Variants in CDKL5 observed in about 807,000 individuals in gnomAD.
CDKL5 encodes the protein cyclin-dependent kinase-like 5.
Under a neutral mutation model 61.7 loss-of-function variants are expected in CDKL5, and 8 were observed. The ratio of observed to expected loss-of-function variants is 0.13; its 90% CI spans 0.08 to 0.23. CDKL5 has a LOEUF of 0.23. Among genes scored for constraint, CDKL5 ranks in the 10% least tolerant of loss-of-function variants. The probability of loss-of-function intolerance (pLI) is 1.00; values close to 1 mark genes in which losing one functional copy is unlikely to be tolerated. For missense variants in CDKL5, 440 were observed against 734.5 expected (o/e 0.60, Z 4.63); for synonymous variants, 275 against 272.3 (o/e 1.01, Z -0.10).
chrX:18,616,257 A>G (rs939434906), intron 15 of CDKL5, among the ~76,000 whole-genome samples: 2 of 112,252 alleles, frequency 1.8e-5, no homozygotes, highest in African/African-American at 6.5e-5. Context: ...GACAAAATGT[A>G]TAAATATGTT....
chrX:18,462,499 T>G lies in CDKL5; in HGVS notation c.-163+36804T>G, dbSNP rs143728702. Among the ~76,000 whole-genome samples the G allele has an allele frequency of 4.5e-3, 499 of 111,469 alleles. 4 individuals carry two copies. The highest frequency in any genetic ancestry group is 0.015 in the African/African-American group (452 of 30,666). On this transcript the variant is annotated intron_variant, in intron 1 of 17. Coordinates refer to ENST00000623535, the MANE Select transcript of CDKL5 (RefSeq NM_001323289.2). ...CTAGGTGATTGTGATGTGTTAAAGT[T>G]TGAAAACCATTGGTCTAGACTTAAT...
In CDKL5 at chrX:18,633,586, CGAT is replaced by C; in HGVS notation, c.*4832_*4834del. 1.3e-6 allele frequency: 1 copy of C among 753,501 alleles called. No individual in the cohort carries two copies. Among genetic ancestry groups the C allele is most frequent in the Admixed American group, 8.7e-5 (1 of 11,537 alleles). The allele number at this position is 753,501 out of a possible 1,213,427, so 62.1% of individuals were successfully genotyped here. On this transcript the variant is annotated 3_prime_UTR_variant, in exon 18 of 18. Transcript: ENST00000623535. The stretch of plus-strand genomic sequence containing the variant: ...CTGATGAAAAATTCTGTCTCAGAAA[CGAT>C]GAGTAAGAAACCATACAAGAAAAAG...
intron 5 of CDKL5, among the ~76,000 whole-genome samples, chrX:18,579,186 G>A (rs924670667): frequency 9.0e-6 from 1 of 111,370 alleles, no homozygotes; most frequent in African/African-American, 3.3e-5. Context: ...AAAGGAGAAT[G>A]GTTAATCTGG....
chrX:18,539,311 TTC>T (rs1471453957), intron 3 of CDKL5, among the ~76,000 whole-genome samples: 3 of 111,920 alleles, frequency 2.7e-5, no homozygotes, highest in South Asian at 3.6e-4. Context: ...ATTTGTAACC[TTC>T]TCTCTTTTTA....
downstream of CDKL5, chrX:18,644,481 G>A (rs754381417): frequency 1.6e-5 from 19 of 1,209,372 alleles, no homozygotes; most frequent in Non-Finnish European, 2.1e-5. Context: ...GGCGCTCATC[G>A]GTCCTGTACT....
intron 1 of CDKL5, among the ~76,000 whole-genome samples, chrX:18,459,736 C>T (rs1411929783): frequency 1.5e-5 from 1 of 67,742 alleles, no homozygotes; most frequent in Non-Finnish European, 2.6e-5. Flanking sequence ...GATGGAGTCT[C>T]GTTCTGTCAC....
intron 1 of CDKL5, among the ~76,000 whole-genome samples, chrX:18,448,817 T>G (rs893772049): frequency 4.5e-5 from 5 of 112,221 alleles, no homozygotes; most frequent in Non-Finnish European, 9.4e-5. Flanking sequence ...TGGAAAAATG[T>G]ATCTTTGGAG....
intron 1 of CDKL5, among the ~76,000 whole-genome samples, chrX:18,499,045 A>G (rs1483036473): frequency 8.9e-6 from 1 of 112,133 alleles, no homozygotes; most frequent in Non-Finnish European, 1.9e-5. Flanking sequence ...TACTGGGATT[A>G]CAGGCCCGAG....
chrX:18,646,180 C>G, intron 20 of CDKL5: 1 of 1,163,846 alleles, frequency 8.6e-7, no homozygotes, highest in Non-Finnish European at 1.2e-6. Flanking sequence ...GAGACAGAGT[C>G]TTGCTCTGTC....
At chrX:18,584,189 C>A in intron 7 of CDKL5, 74 bp from the exon 8 acceptor site, 1 of 629,238 alleles carries the variant, frequency 1.6e-6, no homozygotes, top group Non-Finnish European at 2.7e-6. Flanking sequence ...GTATTACTAG[C>A]GCTGAAATAT....
At chrX:18,539,384 C>T (rs775680240) in intron 3 of CDKL5, among the ~76,000 whole-genome samples, 53 of 112,019 alleles carry the variant, frequency 4.7e-4, no homozygotes, top group African/African-American at 1.6e-3. Flanking sequence ...CTGCATCCCA[C>T]ATATTTTGAT....
intron 1 of CDKL5, among the ~76,000 whole-genome samples, chrX:18,494,716 A>G (rs1458496494): frequency 8.9e-6 from 1 of 112,578 alleles, no homozygotes; most frequent in Admixed American, 9.4e-5. Context: ...TCTGAAGGTC[A>G]AGGGTAGGGA....
chrX:18,518,888 C>G (rs1250134081), intron 3 of CDKL5, among the ~76,000 whole-genome samples: 2 of 109,937 alleles, frequency 1.8e-5, no homozygotes, highest in Non-Finnish European at 3.8e-5. Context: ...AAGCATTTCC[C>G]AGAACCCCAC....
intron 8 of CDKL5, among the ~76,000 whole-genome samples, chrX:18,586,599 TCAAGTA>T (rs772784738): frequency 8.9e-6 from 1 of 112,280 alleles, no homozygotes; most frequent in Admixed American, 9.5e-5. Flanking sequence ...TAAGTGATTG[TCAAGTA>T]CTAGTTGAAG....
rs749833325 is a variant in CDKL5 at position 18,502,442 on chromosome X, G to A, written c.-162-4493G>A. On this transcript the variant is annotated intron_variant, in intron 1 of 17. Coordinates refer to ENST00000623535, the MANE Select transcript of CDKL5 (RefSeq NM_001323289.2). ...GTTTTCTAAGCTAAGTATAGCGAAAGGAGGTCAGTGTAGCTGGAGTGAAGC... is the reference window on the plus strand; with the variant it reads ...GTTTTCTAAGCTAAGTATAGCGAAAAGAGGTCAGTGTAGCTGGAGTGAAGC... Among the ~76,000 whole-genome samples the A allele has an allele frequency of 2.7e-5, 3 of 112,159 alleles. No individual in the cohort carries two copies. The South Asian group carries it at 1.1e-3, about 41-fold the overall frequency.
At chrX:18,551,390 G>A (rs1924377927) in intron 3 of CDKL5, among the ~76,000 whole-genome samples, 2 of 108,446 alleles carry the variant, frequency 1.8e-5, no homozygotes, top group African/African-American at 6.7e-5. Flanking sequence ...TAGTTACAAT[G>A]GAGCATATTA....
chrX:18,648,183 G>A (rs1037851744), intron 20 of CDKL5, among the ~76,000 whole-genome samples: 5 of 110,971 alleles, frequency 4.5e-5, no homozygotes, highest in South Asian at 3.8e-4. Flanking sequence ...GCACAGTGTC[G>A]AGTTACCTGG....
intron 4 of CDKL5, among the ~76,000 whole-genome samples, chrX:18,567,596 C>T (rs1180264348): frequency 9.0e-6 from 1 of 111,640 alleles, no homozygotes; most frequent in Non-Finnish European, 1.9e-5. Flanking sequence ...GTACAAAATG[C>T]TTTGGCTGGG....
In CDKL5 at chrX:18,598,587, T is replaced by C. The variant is rs374371309; in HGVS notation, c.951T>C (p.His317=). 8.3e-7 allele frequency: 1 copy of C among 1,208,876 alleles called. No homozygotes were observed. Among genetic ancestry groups the C allele is most frequent in the African/African-American group, 1.7e-5 (1 of 57,181 alleles). The change falls in exon 11 of 18, where the codon CAT becomes CAC. Residue 317 remains histidine, a synonymous_variant. Coordinates refer to ENST00000623535, the MANE Select transcript of CDKL5 (RefSeq NM_001323289.2). ...GGTCAGCAAAAAGAAAACCTTACCA[T>C]GTGGAAAGCAGCACATTGTCTAATA... is the stretch of plus-strand genomic sequence containing the variant. ...PSRSAKRKPY[H]VESSTLSNRN...
Sources: gnomAD v4.1 joint callset for allele counts (sites outside exome capture counted in the v4.1 genomes callset) on GRCh38, gnomAD v4.1.1 for gene constraint, MANE v1.5 for transcripts, NCBI Gene and HGNC (gene_info 2026-07-23, HGNC 2026-07-21) for gene names.